The following NRG1 variants were observed in gnomAD, a reference collection of about 807,000 sequenced individuals.
The protein encoded by NRG1 is neuregulin 1, also known as pro-neuregulin-1, membrane-bound isoform.
In NRG1, 18 loss-of-function variants were observed where a neutral mutation model predicts 63.8. That is an observed-to-expected ratio of 0.28 (90% CI 0.19 to 0.42). NRG1 has a LOEUF of 0.42. Among genes scored for constraint, NRG1 ranks in the 10% least tolerant of loss-of-function variants. NRG1 has a pLI of 1.00. For synonymous variants in NRG1, 302 were observed against 301.3 expected, an observed-to-expected ratio of 1.00 and a Z score of -0.02; for missense variants, 762 against 814.7, an observed-to-expected ratio of 0.94 and a Z score of 0.79.
chr8:32,704,866 A>G (rs780374947), intron 5 of NRG1, among the ~76,000 whole-genome samples: 4 of 152,222 alleles, frequency 2.6e-5, no homozygotes, highest in Non-Finnish European at 5.9e-5. Context: ...AGCTATACAA[A>G]GTCTCATCAA....
At chr8:31,703,458 T>G (rs1472630183) in intron 1 of NRG1, among the ~76,000 whole-genome samples, 1 of 152,198 alleles carries the variant, frequency 6.6e-6, no homozygotes, top group Admixed American at 6.5e-5. Flanking sequence ...GAAATACATT[T>G]GTTTTGCATT....
At chr8:32,180,987 A>T (rs560993427) in intron 1 of NRG1, among the ~76,000 whole-genome samples, 62 of 152,286 alleles carry the variant, frequency 4.1e-4, no homozygotes, top group African/African-American at 1.4e-3. Flanking sequence ...TTCCACATGT[A>T]AGTGAGATTA....
At chr8:31,916,212 T>G (rs983341458) in intron 1 of NRG1, among the ~76,000 whole-genome samples, 2 of 151,536 alleles carry the variant, frequency 1.3e-5, no homozygotes, top group East Asian at 3.9e-4. Flanking sequence ...TTTCATTTTC[T>G]TTTTTTTTAT....
At chr8:32,478,317 C>T (rs370505892) in intron 1 of NRG1, among the ~76,000 whole-genome samples, 139 of 152,238 alleles carry the variant, frequency 9.1e-4, no homozygotes, top group African/African-American at 3.2e-3. Context: ...TCAGCCGGAG[C>T]GGTCTCTTCA....
chr8:32,088,189 T>C (rs1001419792), intron 1 of NRG1, among the ~76,000 whole-genome samples: 73 of 152,324 alleles, frequency 4.8e-4, no homozygotes, highest in South Asian at 8.3e-4. Flanking sequence ...ACTGTGTGTG[T>C]ATCGTCTCTC....
intron 1 of NRG1, among the ~76,000 whole-genome samples, chr8:31,924,100 G>T (rs969338405): frequency 6.6e-6 from 1 of 151,986 alleles, no homozygotes; most frequent in African/African-American, 2.4e-5. Context: ...CACGCCTGTA[G>T]TCCCAACACT....
At chr8:32,704,964 A>C (rs779485708) in intron 5 of NRG1, among the ~76,000 whole-genome samples, 5 of 152,148 alleles carry the variant, frequency 3.3e-5, no homozygotes, top group Non-Finnish European at 7.4e-5. Flanking sequence ...ATGGCATCTG[A>C]AAATATTAGT....
intron 1 of NRG1, among the ~76,000 whole-genome samples, chr8:32,509,906 C>T (rs1828960844): frequency 6.6e-6 from 1 of 152,058 alleles, no homozygotes; most frequent in African/African-American, 2.4e-5. Context: ...TCCTTTTACT[C>T]TCCTTTCATT....
chr8:32,560,960 G>A (rs1037679070), intron 1 of NRG1, among the ~76,000 whole-genome samples: 16 of 152,154 alleles, frequency 1.1e-4, no homozygotes, highest in African/African-American at 3.6e-4. Flanking sequence ...AACAATATTA[G>A]TACTGCCTAA....
At chr8:32,647,453 G>A in intron 5 of NRG1, 5 of 985,432 alleles carry the variant, frequency 5.1e-6, no homozygotes, top group Non-Finnish European at 6.0e-6. Context: ...GCCCGGGATG[G>A]TTTGGAGTAG....
chr8:31,662,686 G>C (rs138145551), intron 1 of NRG1, among the ~76,000 whole-genome samples: 1 of 152,288 alleles, frequency 6.6e-6, no homozygotes, highest in African/African-American at 2.4e-5. Flanking sequence ...GAGACTCGTT[G>C]TGTGTCTATT....
intron 1 of NRG1, among the ~76,000 whole-genome samples, chr8:32,369,088 A>G (rs1192100240): frequency 6.6e-6 from 1 of 152,222 alleles, no homozygotes; most frequent in Non-Finnish European, 1.5e-5. Context: ...CAGGGTTGAC[A>G]GAGGGAAATT....
At chr8:32,728,413 G>C in intron 6 of NRG1, 2 of 985,216 alleles carry the variant, frequency 2.0e-6, no homozygotes, top group Non-Finnish European at 2.4e-6. Context: ...ATAACTTTTG[G>C]TATCTACTTC....
rs564437355 is a variant in NRG1 at position 32,410,900 on chromosome 8, G to A, written c.38-184928G>A. Among the ~76,000 whole-genome samples, 503 of 147,626 alleles carry A rather than the reference G, an allele frequency of 3.4e-3. 2 individuals carry two copies. Among genetic ancestry groups the A allele is most frequent in the African/African-American group, 0.012 (482 of 40,092 alleles). On this transcript the variant is annotated intron_variant, in intron 1 of 10. Transcript: ENST00000519301. ...CACATTTTTTTTTTTTTTTTGAGAT[G>A]GAGCCTTGCTCTGTTGCCAGGCTGG... is the stretch of plus-strand genomic sequence containing the variant.
At chr8:32,091,175 G>A (rs1829088620) in intron 1 of NRG1, among the ~76,000 whole-genome samples, 1 of 151,888 alleles carries the variant, frequency 6.6e-6, no homozygotes. Context: ...CTACTCAGGT[G>A]GCTGAGGCAG....
intron 1 of NRG1, among the ~76,000 whole-genome samples, chr8:31,799,675 A>C (rs1233820675): frequency 6.6e-6 from 1 of 152,032 alleles, no homozygotes; most frequent in African/African-American, 2.4e-5. Context: ...TTCCAATGAG[A>C]TATATCTATT....
chr8:31,924,825 A>G (rs756778707), intron 1 of NRG1, among the ~76,000 whole-genome samples: 18 of 151,884 alleles, frequency 1.2e-4, no homozygotes, highest in Non-Finnish European at 2.6e-4. Flanking sequence ...TTCAAAATAT[A>G]TTCTAGCATT....
intron 11 of NRG1, among the ~76,000 whole-genome samples, chr8:32,763,031 G>A (rs1319153904): frequency 4.6e-5 from 7 of 152,110 alleles, no homozygotes; most frequent in Non-Finnish European, 1.0e-4. Flanking sequence ...CCTCCATTGT[G>A]GTAACTGTGA....
At chr8:32,296,536 C>T (rs115028688) in intron 1 of NRG1, among the ~76,000 whole-genome samples, 8,414 of 151,016 alleles carry the variant, frequency 0.056, 279 homozygotes, top group South Asian at 0.07. Flanking sequence ...ATCGCTTAAA[C>T]CTGGAAAGTG....
Sources: gnomAD v4.1 joint callset for allele counts (sites outside exome capture counted in the v4.1 genomes callset) on GRCh38, gnomAD v4.1.1 for gene constraint, MANE v1.5 for transcripts, NCBI Gene and HGNC (gene_info 2026-07-23, HGNC 2026-07-21) for gene names.